Variants in FAM171A1 observed in about 807,000 individuals in gnomAD.
FAM171A1 encodes the protein protein FAM171A1.
A neutral mutation model predicts 74.9 loss-of-function variants in FAM171A1; 23 were observed. That is an observed-to-expected ratio of 0.31 (90% CI 0.22 to 0.44). FAM171A1 has a LOEUF of 0.44. Ranked by LOEUF, FAM171A1 falls within the 20% of genes least tolerant of loss-of-function variation. FAM171A1 has a pLI of 1.00. For missense variants in FAM171A1, 1,162 were observed against 1,159.2 expected (o/e 1.00, Z -0.03); for synonymous variants, 527 against 505.7 (o/e 1.04, Z -0.57).
chr10:15,268,760 A>AAAGT (rs1358365187), intron 3 of FAM171A1, among the ~76,000 whole-genome samples: 3 of 152,166 alleles, frequency 2.0e-5, no homozygotes, highest in Non-Finnish European at 4.4e-5. Flanking sequence ...AGAAAGAAAG[A>AAAGT]AAGTTGGGCC....
intron 1 of FAM171A1, among the ~76,000 whole-genome samples, chr10:15,363,596 T>C (rs997670488): frequency 4.6e-5 from 7 of 152,122 alleles, no homozygotes; most frequent in African/African-American, 1.7e-4. Flanking sequence ...CTCTGCAGCT[T>C]TAAGTTCAGT....
intron 1 of FAM171A1, among the ~76,000 whole-genome samples, chr10:15,354,231 C>T (rs1440222965): frequency 1.3e-5 from 2 of 152,068 alleles, no homozygotes; most frequent in Admixed American, 6.6e-5. Context: ...CATGGTGGCT[C>T]ACACTTGTAA....
intron 1 of FAM171A1, among the ~76,000 whole-genome samples, chr10:15,292,183 C>G (rs141713395): frequency 1.3e-5 from 2 of 152,064 alleles, no homozygotes; most frequent in Non-Finnish European, 2.9e-5. Context: ...ATGGCTCCCC[C>G]CTCATGACCT....
intron 3 of FAM171A1, among the ~76,000 whole-genome samples, chr10:15,265,425 C>A (rs1035341503): frequency 6.6e-6 from 1 of 151,492 alleles, no homozygotes; most frequent in Admixed American, 6.6e-5. Context: ...CGAGCCTGGG[C>A]AACATGGTGA....
At chr10:15,294,878 G>A (rs45624138) in intron 1 of FAM171A1, among the ~76,000 whole-genome samples, 3,082 of 152,266 alleles carry the variant, frequency 0.02, 42 homozygotes, top group Admixed American at 0.032. Context: ...GACAAACTTT[G>A]AGGGACCATC....
At chr10:15,237,592 C>T (rs1166290211) in intron 5 of FAM171A1, 1 of 152,160 alleles carries the variant, frequency 6.6e-6, no homozygotes, top group Admixed American at 6.5e-5. Flanking sequence ...ATGCTGAGTC[C>T]ACAGTGGCAA....
intron 1 of FAM171A1, among the ~76,000 whole-genome samples, chr10:15,358,576 C>T (rs1375622070): frequency 6.6e-6 from 1 of 152,124 alleles, no homozygotes; most frequent in African/African-American, 2.4e-5. Context: ...TCCCTCAATC[C>T]CAGCTAGGTG....
In FAM171A1 at chr10:15,347,366, G is replaced by A. The variant is rs527715940; in HGVS notation, c.97+23590C>T. Reference sequence around the variant, plus strand: ...TGCTCCCTGAAGCAGTTTTCATTGGGTCGGAAATCGATGCAGTCTGACTGG... The same window carrying A: ...TGCTCCCTGAAGCAGTTTTCATTGGATCGGAAATCGATGCAGTCTGACTGG... On this transcript the variant is annotated intron_variant, in intron 1 of 7. Coordinates refer to ENST00000378116, the MANE Select transcript of FAM171A1 (RefSeq NM_001010924.2). 3.3e-5 allele frequency among the ~76,000 whole-genome samples: 5 copies of A among 152,290 alleles called. No individual in the cohort carries two copies. In the East Asian group the frequency reaches 7.7e-4, roughly 23 times the overall value.
At chr10:15,270,456 G>T (rs1834808507) in intron 3 of FAM171A1, among the ~76,000 whole-genome samples, 1 of 152,214 alleles carries the variant, frequency 6.6e-6, no homozygotes, top group Admixed American at 6.5e-5. Flanking sequence ...TGGGGGCAGG[G>T]CATAGCTGAA....
chr10:15,299,061 C>T (rs1340446244), intron 1 of FAM171A1, among the ~76,000 whole-genome samples: 2 of 152,154 alleles, frequency 1.3e-5, no homozygotes, highest in Non-Finnish European at 2.9e-5. Flanking sequence ...GCTGGGATTA[C>T]AGGCACGCAC....
intron 1 of FAM171A1, among the ~76,000 whole-genome samples, chr10:15,368,819 G>T (rs938931654): frequency 6.6e-6 from 1 of 152,200 alleles, no homozygotes; most frequent in Non-Finnish European, 1.5e-5. Context: ...TGAACATTAA[G>T]ATGCTTTGAA....
At chr10:15,259,070 C>T (rs1834622706) in intron 3 of FAM171A1, among the ~76,000 whole-genome samples, 1 of 152,176 alleles carries the variant, frequency 6.6e-6, no homozygotes, top group Non-Finnish European at 1.5e-5. Context: ...TTTCACCTAA[C>T]AATATTCCAG....
intron 5 of FAM171A1, among the ~76,000 whole-genome samples, chr10:15,221,604 C>T (rs1834040325): frequency 6.6e-6 from 1 of 152,230 alleles, no homozygotes; most frequent in Non-Finnish European, 1.5e-5. Flanking sequence ...CAGTTTGTTC[C>T]AATGCTGGGA....
chr10:15,236,114 A>T (rs1034083851), intron 5 of FAM171A1, among the ~76,000 whole-genome samples: 1 of 152,180 alleles, frequency 6.6e-6, no homozygotes, highest in South Asian at 2.1e-4. Flanking sequence ...TGGAAGTTCA[A>T]TCCCAAACAA....
Position 15,276,632 on chromosome 10 carries a change from T to C in FAM171A1, c.326-685A>G, listed in dbSNP as rs142924072. Among the ~76,000 whole-genome samples, 836 of 152,356 alleles carry C rather than the reference T, an allele frequency of 5.5e-3. 12 individuals are homozygous for C. The highest frequency in any genetic ancestry group is 0.019 in the African/African-American group (800 of 41,588). Reference sequence around the variant, plus strand: ...GTCTAGGTTAATGTGTACCTCATGGTAAAAGAATATTCCCCCAATCCTGGG... The same window carrying C: ...GTCTAGGTTAATGTGTACCTCATGGCAAAAGAATATTCCCCCAATCCTGGG... On this transcript the variant is annotated intron_variant, in intron 2 of 7. Coordinates refer to ENST00000378116, the MANE Select transcript of FAM171A1 (RefSeq NM_001010924.2).
intron 3 of FAM171A1, among the ~76,000 whole-genome samples, chr10:15,261,156 C>G (rs1352837729): frequency 6.6e-6 from 1 of 152,174 alleles, no homozygotes; most frequent in African/African-American, 2.4e-5. Context: ...CCAATAGTAA[C>G]CTTTTGGAGG....
chr10:15,296,918 C>T (rs956565665), intron 1 of FAM171A1, among the ~76,000 whole-genome samples: 17 of 152,180 alleles, frequency 1.1e-4, no homozygotes, highest in African/African-American at 3.9e-4. Flanking sequence ...TGTTAAACCT[C>T]GTGAAAAGGC....
At chr10:15,307,570 C>T (rs531212489) in intron 1 of FAM171A1, among the ~76,000 whole-genome samples, 2 of 137,050 alleles carry the variant, frequency 1.5e-5, no homozygotes, top group African/African-American at 2.8e-5. Context: ...CGCTTGTATT[C>T]GGGAGGCAGA....
intron 1 of FAM171A1, among the ~76,000 whole-genome samples, chr10:15,322,619 A>C (rs1835499995): frequency 6.6e-6 from 1 of 152,170 alleles, no homozygotes; most frequent in African/African-American, 2.4e-5. Flanking sequence ...TTCATGTTTC[A>C]AGCCGACAGC....
Sources: allele counts gnomAD v4.1 joint callset (sites outside exome capture counted in the v4.1 genomes callset), GRCh38; gene constraint gnomAD v4.1.1; transcripts MANE v1.5; gene names NCBI Gene and HGNC (gene_info 2026-07-23, HGNC 2026-07-21).